Variants in ADAMTSL4 observed in about 807,000 individuals in gnomAD.
ADAMTSL4 encodes ADAMTS-like protein 4.
A neutral mutation model predicts 122.8 loss-of-function variants in ADAMTSL4; 97 were observed. The observed-to-expected ratio is 0.79, with a 90% CI of 0.67 to 0.93. The LOEUF (loss-of-function observed/expected upper bound fraction) is 0.93, where lower values mean the gene tolerates loss of function less well. Among genes scored for constraint, ADAMTSL4 ranks in the 40% least tolerant of loss-of-function variants. ADAMTSL4 has a pLI of 0.00. For synonymous variants in ADAMTSL4, 592 were observed against 568.0 expected (o/e 1.04, Z -0.60); for missense variants, 1,408 against 1,453.5 (o/e 0.97, Z 0.51).
intron 7 of ADAMTSL4, 37 bp from the exon 8 acceptor site, chr1:150,555,392 G>C: frequency 6.2e-7 from 1 of 1,612,676 alleles, no homozygotes. Context: ...CCTCCCACCA[G>C]GGAGCCCACT....
Position 150,554,163 on chromosome 1 carries a change from G to A in ADAMTSL4, c.1131+41G>A, listed in dbSNP as rs750770605. 2 of 1,593,968 alleles carry A rather than the reference G, an allele frequency of 1.3e-6. No individual in the cohort carries two copies. The highest frequency in any genetic ancestry group is 1.9e-4 in the Middle Eastern group (1 of 5,146). ...CCTCCCCTCCCAACCCCGACCTCCA[G>A]TGTGGCTTCCCTGCCCTGAAGCTGG... On this transcript the variant is annotated intron_variant, in intron 6 of 18. Transcript: ENST00000271643. The surrounding 1 kb of genome is among the most constrained non-coding windows in gnomAD (Gnocchi z 4.0).
chr1:150,559,545 C>T lies in ADAMTSL4; in HGVS notation c.2943+79C>T, dbSNP rs1268399292. On this transcript the variant is annotated intron_variant, in intron 17 of 18. Coordinates refer to ENST00000271643, the MANE Select transcript of ADAMTSL4 (RefSeq NM_019032.6). This position sits in a 1 kb window ranked among gnomAD's most constrained non-coding sequence, Gnocchi z 4.1. ...GGGAGCTCCTCTCGCTGTACCCCCTCCAGGTCTCTCTGTGCCCCAGAATAA... is the reference window on the plus strand; with the variant it reads ...GGGAGCTCCTCTCGCTGTACCCCCTTCAGGTCTCTCTGTGCCCCAGAATAA... 7 of 1,592,428 alleles carry T rather than the reference C, an allele frequency of 4.4e-6. No individual in the cohort carries two copies. The East Asian group carries it at 6.7e-5, about 15-fold the overall frequency.
chr1:150,553,100 CCCT>C lies in ADAMTSL4; in HGVS notation c.287_289del (p.Leu96del). 6.2e-7 allele frequency: 1 copy of C among 1,613,392 alleles called. No individual in the cohort carries two copies. Among genetic ancestry groups the C allele is most frequent in the Non-Finnish European group, 8.5e-7 (1 of 1,179,820 alleles). The stretch of plus-strand genomic sequence containing the variant: ...CCCCGGCCCCCAAGACATCCAGAAG[CCCT>C]CCTCCCCCGGGGCCAGGGTCCCAGA... On this transcript the variant is annotated inframe_deletion, in exon 5 of 19. Coordinates refer to ENST00000271643, the MANE Select transcript of ADAMTSL4 (RefSeq NM_019032.6).
At chr1:150,550,464 T>A in intron 2 of ADAMTSL4, 1 of 396,388 alleles carries the variant, frequency 2.5e-6, no homozygotes, top group East Asian at 7.1e-5. Context: ...CAGCTCGGGA[T>A]GGGATTATGT....
chr1:150,559,582 C>A lies in ADAMTSL4; in HGVS notation c.2943+116C>A. The A allele has an allele frequency of 1.3e-6, 2 of 1,556,572 alleles. No homozygotes were observed. The highest frequency in any genetic ancestry group is 1.7e-6 in the Non-Finnish European group (2 of 1,142,892). On this transcript the variant is annotated intron_variant, in intron 17 of 18. Coordinates refer to ENST00000271643, the MANE Select transcript of ADAMTSL4 (RefSeq NM_019032.6). The surrounding 1 kb of genome is among the most constrained non-coding windows in gnomAD (Gnocchi z 4.1). The stretch of plus-strand genomic sequence containing the variant: ...GTGCCCCAGAATAAGCCCAGCCAAG[C>A]GTTACCACTGTCCTACTTCTTATAG...
chr1:150,551,220 C>T (rs371333751), intron 2 of ADAMTSL4: 9 of 351,152 alleles, frequency 2.6e-5, no homozygotes, highest in African/African-American at 8.6e-5. Context: ...CTCTCCTTCC[C>T]GCTTCCCCAG....
chr1:150,556,838 G>C lies in ADAMTSL4; in HGVS notation c.1749+45G>C. The stretch of plus-strand genomic sequence containing the variant: ...CAGCTGAATGCTGGGGAGGGAGGCT[G>C]TTCCCTCTGGGCAGAGCTGTGGTTG... On this transcript the variant is annotated intron_variant, in intron 10 of 18. Transcript: ENST00000271643. The surrounding 1 kb of genome is among the most constrained non-coding windows in gnomAD (Gnocchi z 4.1). 6.8e-7 allele frequency: 1 copy of C among 1,478,002 alleles called. No individual in the cohort carries two copies. The highest frequency in any genetic ancestry group is 9.0e-7 in the Non-Finnish European group (1 of 1,116,072). The allele number at this position is 1,478,002 out of a possible 1,614,324, so 91.6% of individuals were successfully genotyped here.
At position 150,553,005 on chromosome 1, in the gene ADAMTSL4, G is replaced by A. The variant is rs587755814; in HGVS notation, c.186G>A (p.Val62=). 6 of 1,613,140 alleles carry A rather than the reference G, an allele frequency of 3.7e-6. No individual in the cohort carries two copies. The highest frequency in any genetic ancestry group is 1.3e-5 in the African/African-American group (1 of 74,886). ...QWASCSQPCG[V]GVQRRSRTCQ... ...CCTCTTGCTCCCAGCCCTGCGGGGTGGGGGTGCAGCGCAGGAGCCGGACAT... is the reference window on the plus strand; with the variant it reads ...CCTCTTGCTCCCAGCCCTGCGGGGTAGGGGTGCAGCGCAGGAGCCGGACAT... Residue 62 remains valine, a synonymous_variant, in exon 5 of 19, where the codon GTG becomes GTA. Coordinates refer to ENST00000271643, the MANE Select transcript of ADAMTSL4 (RefSeq NM_019032.6).
At position 150,556,688 on chromosome 1, in the gene ADAMTSL4, C is replaced by T; in HGVS notation, c.1644C>T (p.Tyr548=). ...GGGCTGTGGATCCCCCTGGGTCCTA[C>T]AGGGCCGGCGGGACCGTCTTTCGAT... ...GNWAVDPPGS[Y]RAGGTVFRYN... is the part of the protein sequence containing the mutation. Residue 548 remains tyrosine (Y), a synonymous_variant, in exon 10 of 19, where the codon TAC becomes TAT. Transcript: ENST00000271643. This position sits in a 1 kb window ranked among gnomAD's most constrained non-coding sequence, Gnocchi z 4.1. The T allele has an allele frequency of 6.2e-7, 1 of 1,614,060 alleles. No homozygotes were observed. The highest frequency in any genetic ancestry group is 8.5e-7 in the Non-Finnish European group (1 of 1,180,000).
Position 150,554,823 on chromosome 1 carries a change from C to A in ADAMTSL4, c.1234+356C>A. On this transcript the variant is annotated intron_variant, in intron 7 of 18. Transcript: ENST00000271643. The surrounding 1 kb of genome is among the most constrained non-coding windows in gnomAD (Gnocchi z 4.0). ...CCACGCATCCTGGGCACTGTCGTAT[C>A]GGTTGCTCCCAGGTTACCATCCGCT... 1.6e-6 allele frequency: 1 copy of A among 643,894 alleles called. No homozygotes were observed. Among genetic ancestry groups the A allele is most frequent in the Non-Finnish European group, 2.6e-6 (1 of 377,718 alleles). 39.9% of individuals were successfully genotyped at this position (643,894 alleles called of 1,614,324 possible). A position where few individuals can be genotyped will look rare whatever the true frequency, so the allele number is the denominator to read the frequency against.
chr1:150,553,887 C>G lies in ADAMTSL4; in HGVS notation c.896C>G (p.Pro299Arg). Residue 299 changes from proline to arginine, a missense_variant, in exon 6 of 19, where the codon CCT becomes CGT. Pro to Arg is a moderately radical substitution (Grantham distance 103). Transcript: ENST00000271643. ...AGTCCCCAGGTAGCAGGGAGACGCC[C>G]TGATCCTTTTCCTTCGGTCCCTCGG... is the stretch of plus-strand genomic sequence containing the variant. ...WASPQVAGRRPDPFPSVPRGR... is the reference protein window; with the variant it reads ...WASPQVAGRRRDPFPSVPRGR... 6.2e-7 allele frequency: 1 copy of G among 1,613,980 alleles called. No individual in the cohort carries two copies. The highest frequency in any genetic ancestry group is 8.5e-7 in the Non-Finnish European group (1 of 1,179,998).
chr1:150,557,466 C>G (rs1417121445), intron 12 of ADAMTSL4, 28 bp from the exon 13 acceptor site: 1 of 1,613,080 alleles, frequency 6.2e-7, no homozygotes. Context: ...AGCCTCCTGC[C>G]TCCCTGGCTG....
chr1:150,556,363 C>G lies in ADAMTSL4; in HGVS notation c.1573C>G (p.Leu525Val). ...CCAGCTCCGGCCTAGCTCCAACTAC[C>G]TGGGTGAGCACCCAGCTGCCTCCCC... ...IAQLRPSSNY[L>V]ALRGPGGRSI... Residue 525 changes from leucine to valine, a missense_variant, in exon 9 of 19, where the codon CTG becomes GTG. Leu to Val is a conservative substitution (Grantham distance 32, BLOSUM62 1). Transcript: ENST00000271643. This position sits in a 1 kb window ranked among gnomAD's most constrained non-coding sequence, Gnocchi z 4.1. 1 of 1,613,958 alleles carries G rather than the reference C, an allele frequency of 6.2e-7. No homozygotes were observed.
At position 150,556,706 on chromosome 1, in the gene ADAMTSL4, CT is replaced by C. The variant is rs1416425632; in HGVS notation, c.1665del (p.Arg556AspfsTer29). The C allele has an allele frequency of 1.2e-6, 2 of 1,613,904 alleles. No homozygotes were observed. Among genetic ancestry groups the C allele is most frequent in the Non-Finnish European group, 1.7e-6 (2 of 1,179,998 alleles). ...GGTCCTACAGGGCCGGCGGGACCGT[CT>C]TTCGATATAACCGTCCTCCCAGGGA... ...PGSYRAGGTV[F>X]RYNRPPREEG... On this transcript the variant is annotated frameshift_variant, in exon 10 of 19. Transcript: ENST00000271643. LOFTEE classifies it high-confidence loss of function. This position sits in a 1 kb window ranked among gnomAD's most constrained non-coding sequence, Gnocchi z 4.1.
Position 150,556,675 on chromosome 1 carries a change from C to T in ADAMTSL4, c.1631C>T (p.Pro544Leu), listed in dbSNP as rs1414859403. Residue 544 changes from proline (P) to leucine (L), a missense_variant, in exon 10 of 19, where the codon CCC (proline) becomes CTC (leucine). Physicochemically the swap from Pro to Leu is moderately conservative, Grantham distance 98. Coordinates refer to ENST00000271643, the MANE Select transcript of ADAMTSL4 (RefSeq NM_019032.6). The surrounding 1 kb of genome is among the most constrained non-coding windows in gnomAD (Gnocchi z 4.1). ...ATCAATGGGAACTGGGCTGTGGATC[C>T]CCCTGGGTCCTACAGGGCCGGCGGG... ...SIINGNWAVDPPGSYRAGGTV... is the reference protein window; with the variant it reads ...SIINGNWAVDLPGSYRAGGTV... 8 of 1,613,920 alleles carry T rather than the reference C, an allele frequency of 5.0e-6. No individual in the cohort carries two copies. The highest frequency in any genetic ancestry group is 6.8e-6 in the Non-Finnish European group (8 of 1,180,004).
In ADAMTSL4 at chr1:150,557,155, C is replaced by G; in HGVS notation, c.1867C>G (p.Leu623Val). The change falls in exon 12 of 19, where the codon CTG becomes GTG. Residue 623 changes from leucine (L) to valine (V), a missense_variant. Coordinates refer to ENST00000271643, the MANE Select transcript of ADAMTSL4 (RefSeq NM_019032.6). ...TCGCCTGCTCCCCTGCACAGAGATT[C>G]TGAGGGTGGAGCCCCCACTTGCTCC... ...PPVPQLQPEI[L>V]RVEPPLAPAP... 1 of 1,612,316 alleles carries G rather than the reference C, an allele frequency of 6.2e-7. No homozygotes were observed. Among genetic ancestry groups the G allele is most frequent in the Non-Finnish European group, 8.5e-7 (1 of 1,179,836 alleles).
Position 150,556,538 on chromosome 1 carries a change from C to A in ADAMTSL4, c.1577-83C>A. ...GGGGGATCTTAGGTTCTGGTGGGAG[C>A]TTCTATAGGCTAAGGACACGGTGTG... On this transcript the variant is annotated intron_variant, in intron 9 of 18. Coordinates refer to ENST00000271643, the MANE Select transcript of ADAMTSL4 (RefSeq NM_019032.6). The surrounding 1 kb of genome is among the most constrained non-coding windows in gnomAD (Gnocchi z 4.1). The A allele has an allele frequency of 6.3e-7, 1 of 1,594,840 alleles. No individual in the cohort carries two copies. Among genetic ancestry groups the A allele is most frequent in the Non-Finnish European group, 8.6e-7 (1 of 1,164,422 alleles).
At position 150,554,390 on chromosome 1, in the gene ADAMTSL4, C is replaced by T; in HGVS notation, c.1157C>T (p.Pro386Leu). The change falls in exon 7 of 19, where the codon CCC becomes CTC. Residue 386 changes from proline (P) to leucine (L), a missense_variant. Coordinates refer to ENST00000271643, the MANE Select transcript of ADAMTSL4 (RefSeq NM_019032.6). This position sits in a 1 kb window ranked among gnomAD's most constrained non-coding sequence, Gnocchi z 4.0. The part of the protein sequence containing the change: ...QAPCPPEQPD[P>L]RALQCAAFNS... ...CCCTGCCCCCCTGAGCAGCCAGACC[C>T]CCGGGCCCTGCAGTGCGCAGCCTTT... The T allele has an allele frequency of 6.2e-7, 1 of 1,613,760 alleles. No individual in the cohort carries two copies. Among genetic ancestry groups the T allele is most frequent in the Admixed American group, 1.7e-5 (1 of 60,030 alleles).
At position 150,557,462 on chromosome 1, in the gene ADAMTSL4, C is replaced by T. The variant is rs747975584; in HGVS notation, c.2048-32C>T. 4.3e-6 allele frequency: 7 copies of T among 1,612,972 alleles called. No individual in the cohort carries two copies. The South Asian group carries it at 7.7e-5, about 18-fold the overall frequency. ...ACCACTGAGCTTGGGCTCTAGCCTC[C>T]TGCCTCCCTGGCTGCCTTCTCACCC... is the stretch of plus-strand genomic sequence containing the variant. On this transcript the variant is annotated intron_variant, in intron 12 of 18. Coordinates refer to ENST00000271643, the MANE Select transcript of ADAMTSL4 (RefSeq NM_019032.6).
Sources: gnomAD v4.1 joint callset for allele counts on GRCh38, gnomAD v4.1.1 for gene constraint, Gnocchi (gnomAD v3.1) non-coding constraint, MANE v1.5 for transcripts, NCBI Gene and HGNC (gene_info 2026-07-23, HGNC 2026-07-21) for gene names.